The following ELAPOR2 variants were observed in gnomAD, a reference collection of about 807,000 sequenced individuals.
ELAPOR2 encodes endosome-lysosome associated apoptosis and autophagy regulator family member 2.
ELAPOR2 carries 89 observed loss-of-function variants against 120.7 expected under a neutral mutation model. The observed-to-expected ratio is 0.74, with a 90% CI of 0.62 to 0.88. ELAPOR2 has a LOEUF of 0.88. Ranked by LOEUF, ELAPOR2 falls within the 40% of genes least tolerant of loss-of-function variation. The pLI is 0.00. For missense variants in ELAPOR2, 1,134 were observed against 1,251.6 expected, an observed-to-expected ratio of 0.91 and a Z score of 1.42; for synonymous variants, 444 against 444.9, an observed-to-expected ratio of 1.00 and a Z score of 0.03.
chr7:86,907,136 T>A (rs977523128), intron 18 of ELAPOR2, among the ~76,000 whole-genome samples: 1 of 152,150 alleles, frequency 6.6e-6, no homozygotes, highest in Admixed American at 6.6e-5. Flanking sequence ...AAGCACATTA[T>A]GTATTTTATA....
intron 21 of ELAPOR2, among the ~76,000 whole-genome samples, chr7:86,881,514 G>A (rs568408964): frequency 6.6e-6 from 1 of 151,862 alleles, no homozygotes; most frequent in South Asian, 2.1e-4. Context: ...CTGCCACCAC[G>A]CCCAGATAAT....
At position 87,030,494 on chromosome 7, in the gene ELAPOR2, G is replaced by A. The variant is rs186311732; in HGVS notation, c.189+28831C>T. 2.6e-5 allele frequency among the ~76,000 whole-genome samples: 4 copies of A among 152,198 alleles called. No homozygotes were observed. The East Asian group carries it at 5.8e-4, about 22-fold the overall frequency. On this transcript the variant is annotated intron_variant, in intron 1 of 21. Coordinates refer to ENST00000450689, the MANE Select transcript of ELAPOR2 (RefSeq NM_001142749.3). The stretch of plus-strand genomic sequence containing the variant: ...TACAACTAAACCTAGCTATCTTGAT[G>A]GATTTGTGATTTATGGCATTAAACT...
In ELAPOR2 at chr7:87,053,946, T is replaced by C. The variant is rs1476589597; in HGVS notation, c.189+5379A>G. Among the ~76,000 whole-genome samples the C allele has an allele frequency of 2.6e-5, 4 of 152,200 alleles. No homozygotes were observed. In the East Asian group the frequency reaches 7.7e-4, roughly 29 times the overall value. ...CGGAAATTTTCCGTCACTGTACTTA[T>C]GGCAAATGTAATTGCATGATGTGTG... On this transcript the variant is annotated intron_variant, in intron 1 of 21. Coordinates refer to ENST00000450689, the MANE Select transcript of ELAPOR2 (RefSeq NM_001142749.3).
intron 3 of ELAPOR2, among the ~76,000 whole-genome samples, chr7:86,946,227 A>G (rs1429913686): frequency 6.6e-6 from 1 of 151,978 alleles, no homozygotes; most frequent in African/African-American, 2.4e-5. Flanking sequence ...CTAGAACAAA[A>G]CAAGACTTAA....
rs777935883 is a variant in ELAPOR2, at chr7:86,912,201, T to C, written c.2040A>G (p.Lys680=). 1 of 1,607,470 alleles carries C rather than the reference T, an allele frequency of 6.2e-7. No individual in the cohort carries two copies. Among genetic ancestry groups the C allele is most frequent in the East Asian group, 2.2e-5 (1 of 44,696 alleles). The change falls in exon 15 of 22, where the codon AAA becomes AAG. Residue 680 remains lysine, a synonymous_variant. Transcript: ENST00000450689. ...CYSDCFFYHE[K]ENQSLHYDFS... ...AGTCATAGTGCAAACTCTGATTTTC[T>C]TTTTCATGGTAGAAAAAGCAGTCAC...
intron 21 of ELAPOR2, among the ~76,000 whole-genome samples, chr7:86,890,406 G>A (rs1314603061): frequency 6.6e-6 from 1 of 151,882 alleles, no homozygotes. Flanking sequence ...CCCCTTTGAG[G>A]CAAAGGATGG....
chr7:86,941,600 A>G lies in ELAPOR2; in HGVS notation c.741+418T>C, dbSNP rs902381450. On this transcript the variant is annotated intron_variant, in intron 5 of 21. Transcript: ENST00000450689. ...GCGCAGAGAAAGATAAAAGGAATTC[A>G]CAGATCCTTCCAATGAAAAGAGCCA... Among the ~76,000 whole-genome samples, 4 of 152,196 alleles carry G rather than the reference A, an allele frequency of 2.6e-5. No homozygotes were observed. The East Asian group carries it at 7.7e-4, about 29-fold the overall frequency.
chr7:86,913,133 C>T lies in ELAPOR2; in HGVS notation c.1803G>A (p.Ala601=), dbSNP rs765397943. ...ITATNAVDGV[A]SSCRACALGS... ...CGAGGGCACAGGCACGGCATGAGGA[C>T]GCCACCCCATCAACTGCATTAGTGG... The change falls in exon 14 of 22, where the codon GCG becomes GCA. Residue 601 remains alanine (A), a synonymous_variant. Transcript: ENST00000450689. 45 of 1,613,850 alleles carry T rather than the reference C, an allele frequency of 2.8e-5. No individual in the cohort carries two copies. The highest frequency in any genetic ancestry group is 3.3e-4 in the Middle Eastern group (2 of 6,082).
intron 1 of ELAPOR2, among the ~76,000 whole-genome samples, chr7:86,993,249 AAG>A (rs1554402317): frequency 7.1e-6 from 1 of 140,108 alleles, no homozygotes; most frequent in African/African-American, 2.7e-5. Flanking sequence ...AAAAAAAAAA[AAG>A]AAAAAGAAAA....
chr7:86,974,580 A>AGTGTGTGTGT (rs35712048), intron 1 of ELAPOR2, among the ~76,000 whole-genome samples: 10,782 of 138,664 alleles, frequency 0.078, 518 homozygotes, highest in African/African-American at 0.096. Context: ...GAACCCCTGT[A>AGTGTGTGTGT]GTGTGTGTGT....
chr7:87,037,774 A>G (rs572768898), intron 1 of ELAPOR2, among the ~76,000 whole-genome samples: 151 of 152,310 alleles, frequency 9.9e-4, no homozygotes, highest in East Asian at 3.9e-4. Flanking sequence ...AAATTATAAT[A>G]TTATTTAATT....
At chr7:86,982,116 C>G (rs986387147) in intron 1 of ELAPOR2, among the ~76,000 whole-genome samples, 8 of 152,374 alleles carry the variant, frequency 5.3e-5, no homozygotes, top group Admixed American at 3.9e-4. Context: ...GAGGGGCATC[C>G]ACCATTGCTG....
At chr7:87,045,163 C>A (rs1447043095) in intron 1 of ELAPOR2, among the ~76,000 whole-genome samples, 1 of 114,248 alleles carries the variant, frequency 8.8e-6, no homozygotes, top group African/African-American at 4.3e-5. Flanking sequence ...GTTGGTGGGA[C>A]TGTAAACTAG....
At chr7:86,968,600 A>G (rs1368627387) in intron 1 of ELAPOR2, among the ~76,000 whole-genome samples, 1 of 152,212 alleles carries the variant, frequency 6.6e-6, no homozygotes, top group African/African-American at 2.4e-5. Context: ...TCCAAAGACA[A>G]TGAAAGGTGC....
chr7:86,978,971 T>A (rs115881942), intron 1 of ELAPOR2, among the ~76,000 whole-genome samples: 172 of 152,332 alleles, frequency 1.1e-3, no homozygotes, highest in African/African-American at 3.8e-3. Context: ...TTGAAGACTT[T>A]TGAAACCACA....
intron 1 of ELAPOR2, among the ~76,000 whole-genome samples, chr7:86,977,638 TC>T (rs1792325016): frequency 2.0e-5 from 3 of 152,254 alleles, no homozygotes; most frequent in Admixed American, 2.0e-4. Flanking sequence ...TTCTACCACG[TC>T]TTCTAATTCC....
At chr7:86,928,271 T>C (rs1359342954) in intron 8 of ELAPOR2, among the ~76,000 whole-genome samples, 1 of 151,904 alleles carries the variant, frequency 6.6e-6, no homozygotes, top group Non-Finnish European at 1.5e-5. Flanking sequence ...ATAAAGGGGC[T>C]CTCAACTCCC....
intron 1 of ELAPOR2, among the ~76,000 whole-genome samples, chr7:86,993,983 C>T (rs376445274): frequency 1.3e-5 from 2 of 152,310 alleles, no homozygotes; most frequent in East Asian, 3.9e-4. Flanking sequence ...TCTTTGATCT[C>T]TTTGAGCCTT....
intron 2 of ELAPOR2, among the ~76,000 whole-genome samples, chr7:86,957,703 A>C (rs1791532652): frequency 6.6e-6 from 1 of 152,158 alleles, no homozygotes; most frequent in African/African-American, 2.4e-5. Flanking sequence ...ATAGACAATT[A>C]AGAATAAAAT....
Sources: allele counts gnomAD v4.1 joint callset (sites outside exome capture counted in the v4.1 genomes callset), GRCh38; gene constraint gnomAD v4.1.1; transcripts MANE v1.5; gene names NCBI Gene and HGNC (gene_info 2026-07-23, HGNC 2026-07-21).